The following SLC30A6 variants were observed in gnomAD, a reference collection of about 807,000 sequenced individuals.
The protein encoded by SLC30A6 is zinc transporter 6.
SLC30A6 carries 55 observed loss-of-function variants against 63.0 expected under a neutral mutation model. The ratio of observed to expected loss-of-function variants is 0.87; its 90% CI spans 0.70 to 1.09. SLC30A6 has a LOEUF of 1.09. SLC30A6 is among the 50% of genes least tolerant of loss of function. SLC30A6 has a pLI of 0.00. For missense variants in SLC30A6, 587 were observed against 549.2 expected (o/e 1.07, Z -0.69); for synonymous variants, 224 against 186.1 (o/e 1.20, Z -1.66).
At chr2:32,176,877 A>G (rs995772801) in intron 4 of SLC30A6, among the ~76,000 whole-genome samples, 4 of 151,246 alleles carry the variant, frequency 2.6e-5, no homozygotes, top group Non-Finnish European at 5.9e-5. Context: ...GTTTCAAGCT[A>G]TTCTCTTGCC....
In SLC30A6 at chr2:32,181,512, CTTA is replaced by C. The variant is rs1039446215; in HGVS notation, c.219-2754_219-2752del. On this transcript the variant is annotated intron_variant, in intron 4 of 13. Coordinates refer to ENST00000282587, the MANE Select transcript of SLC30A6 (RefSeq NM_017964.5). ...TTTAGACACTGAATTTTTCAGATTT[CTTA>C]TTATTAACAAATCTTATCTATAGAG... is the stretch of plus-strand genomic sequence containing the variant. Among the ~76,000 whole-genome samples the C allele has an allele frequency of 4.2e-3, 638 of 151,914 alleles. 9 individuals are homozygous for C. Among genetic ancestry groups the C allele is most frequent in the African/African-American group, 0.015 (627 of 41,268 alleles).
intron 10 of SLC30A6, chr2:32,203,166 G>A (rs1006963779): frequency 1.4e-5 from 17 of 1,245,854 alleles, no homozygotes; most frequent in African/African-American, 7.4e-5. Flanking sequence ...GGACATTCCT[G>A]AAGTTGACCT....
chr2:32,189,579 G>T (rs1174695229), intron 5 of SLC30A6, among the ~76,000 whole-genome samples: 1 of 140,886 alleles, frequency 7.1e-6, no homozygotes, highest in Non-Finnish European at 1.5e-5. Flanking sequence ...TTATAAGCAT[G>T]AGCCACCGCA....
At chr2:32,197,634 A>G (rs1270627105) in intron 9 of SLC30A6, 73 bp from the exon 10 acceptor site, 3 of 1,595,080 alleles carry the variant, frequency 1.9e-6, no homozygotes, top group Admixed American at 1.7e-5. Flanking sequence ...AATACAAGTT[A>G]TCTTTTACAA....
intron 4 of SLC30A6, among the ~76,000 whole-genome samples, chr2:32,182,984 C>G (rs771177516): frequency 7.9e-5 from 12 of 152,000 alleles, no homozygotes; most frequent in Non-Finnish European, 1.5e-4. Context: ...GTCAGGAGTT[C>G]CTGACCAGCC....
At chr2:32,184,542 A>C (rs753804014) in intron 5 of SLC30A6, among the ~76,000 whole-genome samples, 15 of 152,224 alleles carry the variant, frequency 9.9e-5, no homozygotes, top group Non-Finnish European at 2.2e-4. Flanking sequence ...AGGCAGGCAG[A>C]GCACCTTAGG....
chr2:32,181,173 A>G (rs1682275529), intron 4 of SLC30A6, among the ~76,000 whole-genome samples: 1 of 152,262 alleles, frequency 6.6e-6, no homozygotes, highest in African/African-American at 2.4e-5. Flanking sequence ...AATAAAATCA[A>G]ACATATTGAA....
At chr2:32,196,159 A>G (rs1683767958) in intron 8 of SLC30A6, among the ~76,000 whole-genome samples, 1 of 152,148 alleles carries the variant, frequency 6.6e-6, no homozygotes, top group South Asian at 2.1e-4. Context: ...CTAAAAAATT[A>G]TAAAAATTAG....
chr2:32,218,064 A>T (rs1318251436), intron 13 of SLC30A6, among the ~76,000 whole-genome samples: 1 of 151,064 alleles, frequency 6.6e-6, no homozygotes, highest in Non-Finnish European at 1.5e-5. Flanking sequence ...AGGCTGGGGG[A>T]GTCTGTGTGT....
At chr2:32,193,206 A>C (rs1335850514) in intron 7 of SLC30A6, among the ~76,000 whole-genome samples, 1 of 152,186 alleles carries the variant, frequency 6.6e-6, no homozygotes, top group Non-Finnish European at 1.5e-5. Flanking sequence ...TTCCAGGCCT[A>C]GGAAACACTA....
intron 1 of SLC30A6, among the ~76,000 whole-genome samples, chr2:32,167,223 G>C (rs1680755985): frequency 6.6e-6 from 1 of 152,018 alleles, no homozygotes; most frequent in Non-Finnish European, 1.5e-5. Flanking sequence ...TTACAGGAAT[G>C]CGCCACCACG....
intron 13 of SLC30A6, among the ~76,000 whole-genome samples, chr2:32,214,793 CAG>C (rs1055988868): frequency 2.4e-4 from 37 of 152,146 alleles, no homozygotes; most frequent in African/African-American, 7.5e-4. Context: ...ACTCTGAAAA[CAG>C]AGTTTCCTTA....
At chr2:32,190,818 G>C (rs1371099004) in intron 5 of SLC30A6, among the ~76,000 whole-genome samples, 1 of 152,140 alleles carries the variant, frequency 6.6e-6, no homozygotes, top group Non-Finnish European at 1.5e-5. Flanking sequence ...TAGAGACTGG[G>C]TTTCGCCATG....
intron 10 of SLC30A6, chr2:32,203,057 TG>T: frequency 7.8e-7 from 1 of 1,279,250 alleles, no homozygotes; most frequent in Non-Finnish European, 1.1e-6. Context: ...AGTGTTTACA[TG>T]GGGACATTGC....
intron 10 of SLC30A6, among the ~76,000 whole-genome samples, chr2:32,198,251 C>T (rs1316654855): frequency 2.0e-5 from 3 of 152,144 alleles, no homozygotes; most frequent in Non-Finnish European, 4.4e-5. Context: ...TTTGGCTACC[C>T]ACCTTTTAAA....
At chr2:32,196,260 AGCC>A (rs1304496204) in intron 8 of SLC30A6, among the ~76,000 whole-genome samples, 1 of 152,114 alleles carries the variant, frequency 6.6e-6, no homozygotes, top group East Asian at 1.9e-4. Context: ...GGTTGCAGTG[AGCC>A]GAGATCACGT....
chr2:32,193,387 C>G (rs1230206479), intron 7 of SLC30A6, among the ~76,000 whole-genome samples: 5 of 151,868 alleles, frequency 3.3e-5, no homozygotes, highest in African/African-American at 7.3e-5. Context: ...CCAACCTGGA[C>G]AACAGAGTGA....
intron 10 of SLC30A6, chr2:32,202,763 GACTTT>G: frequency 4.2e-6 from 3 of 713,076 alleles, no homozygotes; most frequent in African/African-American, 1.8e-5. Flanking sequence ...ACAGTCCTCA[GACTTT>G]ACTTTTTTCT....
intron 1 of SLC30A6, among the ~76,000 whole-genome samples, chr2:32,167,539 T>C (rs1573213278): frequency 6.6e-6 from 1 of 152,170 alleles, no homozygotes; most frequent in African/African-American, 2.4e-5. Flanking sequence ...CTATCGGCTG[T>C]CCTTATCAGA....
Sources: gnomAD v4.1 joint callset for allele counts (sites outside exome capture counted in the v4.1 genomes callset) on GRCh38, gnomAD v4.1.1 for gene constraint, MANE v1.5 for transcripts, NCBI Gene and HGNC (gene_info 2026-07-23, HGNC 2026-07-21) for gene names.